Variants in PLA2G10 observed in about 807,000 individuals in gnomAD.
The protein encoded by PLA2G10 is group 10 secretory phospholipase A2.
Under a neutral mutation model 7.9 loss-of-function variants are expected in PLA2G10, and 9 were observed. That is an observed-to-expected ratio of 1.14 (90% confidence interval 0.68 to 1.98). PLA2G10 has a LOEUF of 1.98. PLA2G10 is among the 30% of genes most tolerant of loss of function. PLA2G10 has a pLI of 0.00. For synonymous variants in PLA2G10, 19 were observed against 27.5 expected (o/e 0.69, Z 0.97); for missense variants, 53 against 65.4 (o/e 0.81, Z 0.66).
intron 3 of PLA2G10, among the ~76,000 whole-genome samples, chr16:14,676,470 G>C (rs999188949): frequency 6.6e-6 from 1 of 152,146 alleles, no homozygotes; most frequent in Non-Finnish European, 1.5e-5. Flanking sequence ...CACGAGGTCA[G>C]GAGTTCAAGA....
At position 14,682,924 on chromosome 16, in the gene PLA2G10, C is replaced by G. The variant is rs575865044; in HGVS notation, c.355+5241G>C. ...TCTCTACTAAAAATACAAAAATCAA[C>G]TGGGTGTGGTGGCAGGGGCCTGTAA... On this transcript the variant is annotated intron_variant, in intron 3 of 3. Coordinates refer to ENST00000438167, the MANE Select transcript of PLA2G10 (RefSeq NM_003561.3). Among the ~76,000 whole-genome samples, 14 of 152,178 alleles carry G rather than the reference C, an allele frequency of 9.2e-5. No individual in the cohort carries two copies. In the East Asian group the frequency reaches 1.8e-3, roughly 19 times the overall value.
At chr16:14,681,647 G>A (rs543061790) in intron 3 of PLA2G10, among the ~76,000 whole-genome samples, 78 of 151,766 alleles carry the variant, frequency 5.1e-4, no homozygotes, top group African/African-American at 1.8e-3. Flanking sequence ...GCCCATAAAT[G>A]GAAAATGGGC....
intron 3 of PLA2G10, among the ~76,000 whole-genome samples, chr16:14,684,108 C>T (rs1043808540): frequency 6.6e-6 from 1 of 151,512 alleles, no homozygotes; most frequent in African/African-American, 2.4e-5. Flanking sequence ...CGCCTGTAAT[C>T]CCAGCACTTT....
In PLA2G10 at chr16:14,672,627, C is replaced by T. The variant is rs767537868; in HGVS notation, c.478G>A (p.Asp160Asn). ...LFYPQFLCEPDSPKCD is the reference protein window; with the variant it reads ...LFYPQFLCEPNSPKCD ...GGTAGTCAGTCACACTTGGGCGAGT[C>T]CGGCTCACATAGGAACTGGGGGTAG... is the stretch of plus-strand genomic sequence containing the variant. Residue 160 changes from aspartate to asparagine, a missense_variant, in exon 4 of 4, where the codon GAC becomes AAC. Asp to Asn is a conservative substitution (Grantham distance 23). This residue lies in a region of PLA2G10 where 48 missense variants were observed against 47.0 expected (regional missense o/e 1.02). Transcript: ENST00000438167. 6.2e-6 allele frequency: 10 copies of T among 1,613,936 alleles called. No individual in the cohort carries two copies. The South Asian group carries it at 9.9e-5, about 16-fold the overall frequency.
At chr16:14,675,984 A>C (rs1960716793) in intron 3 of PLA2G10, among the ~76,000 whole-genome samples, 1 of 152,026 alleles carries the variant, frequency 6.6e-6, no homozygotes, top group Non-Finnish European at 1.5e-5. Context: ...ACATTTCTCA[A>C]AATATATATA....
intron 3 of PLA2G10, among the ~76,000 whole-genome samples, chr16:14,675,916 G>A (rs1187296171): frequency 7.4e-6 from 1 of 136,014 alleles, no homozygotes; most frequent in Admixed American, 7.6e-5. Context: ...TCCAGCCTAG[G>A]TGACAGAGCA....
At chr16:14,688,004 A>T (rs1200604043) in intron 3 of PLA2G10, among the ~76,000 whole-genome samples, 161 bp downstream of exon 3, 2 of 150,936 alleles carry the variant, frequency 1.3e-5, no homozygotes, top group Non-Finnish European at 3.0e-5. Context: ...GACTCAAAAA[A>T]TAAATAAAAT....
At chr16:14,684,790 C>A (rs1165061576) in intron 3 of PLA2G10, among the ~76,000 whole-genome samples, 2 of 152,136 alleles carry the variant, frequency 1.3e-5, no homozygotes, top group African/African-American at 4.8e-5. Context: ...CCACTGTACT[C>A]CAAGCTGGGT....
chr16:14,675,225 C>T (rs1168406853), intron 3 of PLA2G10, among the ~76,000 whole-genome samples: 1 of 150,772 alleles, frequency 6.6e-6, no homozygotes, highest in South Asian at 2.1e-4. Flanking sequence ...ACACCCTATT[C>T]AATAAATAGT....
intron 3 of PLA2G10, among the ~76,000 whole-genome samples, chr16:14,684,652 T>G (rs1248444725): frequency 6.6e-6 from 1 of 151,790 alleles, no homozygotes; most frequent in East Asian, 1.9e-4. Flanking sequence ...GGCGACAAAG[T>G]GAGACTTTGT....
chr16:14,684,575 A>G (rs1314946271), intron 3 of PLA2G10, among the ~76,000 whole-genome samples: 1 of 152,038 alleles, frequency 6.6e-6, no homozygotes, highest in Non-Finnish European at 1.5e-5. Flanking sequence ...CTGAGGCAGG[A>G]GAATCGCTAA....
At chr16:14,687,802 G>A (rs2151856188) in intron 3 of PLA2G10, among the ~76,000 whole-genome samples, 1 of 151,784 alleles carries the variant, frequency 6.6e-6, no homozygotes, top group African/African-American at 2.4e-5. Context: ...TTTGAGACCA[G>A]CCTGGCCAAC....
chr16:14,682,507 A>G (rs1053912405), intron 3 of PLA2G10, among the ~76,000 whole-genome samples: 1 of 152,084 alleles, frequency 6.6e-6, no homozygotes, highest in Non-Finnish European at 1.5e-5. Context: ...CCTGGGAGGC[A>G]GTGAGTTGCA....
At chr16:14,676,660 C>T (rs1207084569) in intron 3 of PLA2G10, among the ~76,000 whole-genome samples, 1 of 152,086 alleles carries the variant, frequency 6.6e-6, no homozygotes, top group Non-Finnish European at 1.5e-5. Flanking sequence ...ACCTGGGTGA[C>T]AGAACAAGAC....
intron 3 of PLA2G10, among the ~76,000 whole-genome samples, chr16:14,676,025 T>C (rs916163936): frequency 1.3e-5 from 2 of 150,540 alleles, no homozygotes; most frequent in Non-Finnish European, 3.0e-5. Context: ...ATGTTTAACA[T>C]AACTCGTCAT....
chr16:14,683,062 C>T (rs1960936715), intron 3 of PLA2G10, among the ~76,000 whole-genome samples: 1 of 151,974 alleles, frequency 6.6e-6, no homozygotes, highest in African/African-American at 2.4e-5. Context: ...GAGCAAGACT[C>T]CATCTCAAAA....
chr16:14,684,431 C>A (rs1416523168), intron 3 of PLA2G10, among the ~76,000 whole-genome samples: 2 of 151,154 alleles, frequency 1.3e-5, no homozygotes, highest in Non-Finnish European at 2.9e-5. Flanking sequence ...CTTTGGAGGC[C>A]AATGTGGGTG....
chr16:14,683,459 C>A (rs536013948), intron 3 of PLA2G10, among the ~76,000 whole-genome samples: 1 of 152,100 alleles, frequency 6.6e-6, no homozygotes, highest in East Asian at 1.9e-4. Context: ...TGGTCTCGAA[C>A]TCCTGAGTTC....
intron 3 of PLA2G10, among the ~76,000 whole-genome samples, chr16:14,687,444 C>T (rs1159615633): frequency 6.6e-6 from 1 of 151,648 alleles, no homozygotes; most frequent in African/African-American, 2.4e-5. Flanking sequence ...ATCCTCCCAC[C>T]TCAGCCTCCC....
Sources: allele counts gnomAD v4.1 joint callset (sites outside exome capture counted in the v4.1 genomes callset), GRCh38; gene constraint gnomAD v4.1.1; regional missense constraint gnomAD v4.1.1; transcripts MANE v1.5; gene names NCBI Gene and HGNC (gene_info 2026-07-23, HGNC 2026-07-21).